Variants in LYPD6B observed in about 807,000 individuals in gnomAD.
The protein encoded by LYPD6B is ly6/PLAUR domain-containing protein 6B.
LYPD6B carries 17 observed loss-of-function variants against 22.8 expected under a neutral mutation model. The observed-to-expected ratio is 0.75, with a 90% CI of 0.51 to 1.12. The LOEUF is 1.12. LYPD6B is among the 50% of genes most tolerant of loss of function. LYPD6B has a pLI of 0.00. For missense variants in LYPD6B, 221 were observed against 258.3 expected (o/e 0.86, Z 0.99); for synonymous variants, 106 against 91.6 (o/e 1.16, Z -0.90).
intron 1 of LYPD6B, among the ~76,000 whole-genome samples, chr2:149,120,313 GTATATATATGTGTA>G (rs1242809046): frequency 7.0e-5 from 9 of 128,482 alleles, no homozygotes; most frequent in Non-Finnish European, 9.6e-5. Flanking sequence ...ATATATATGT[GTATATATATGTGTA>G]TATATATATG....
chr2:149,070,064 A>G (rs981497372), intron 1 of LYPD6B, among the ~76,000 whole-genome samples: 1 of 152,046 alleles, frequency 6.6e-6, no homozygotes, highest in Admixed American at 6.6e-5. Context: ...CTTTTCTGTG[A>G]TGAATAAAAA....
intron 3 of LYPD6B, among the ~76,000 whole-genome samples, chr2:149,167,092 T>A (rs529314949): frequency 6.6e-6 from 1 of 151,988 alleles, no homozygotes; most frequent in East Asian, 1.9e-4. Flanking sequence ...ACTTTCCTCG[T>A]TTCTTATTCA....
At chr2:149,214,490 T>G in intron 6 of LYPD6B, 56 bp from the exon 7 acceptor site, 3 of 1,553,398 alleles carry the variant, frequency 1.9e-6, no homozygotes, top group Non-Finnish European at 2.7e-6. Context: ...TTCTTTCTTT[T>G]GCCCCTTCCC....
intron 2 of LYPD6B, among the ~76,000 whole-genome samples, chr2:149,143,284 G>T (rs1184583429): frequency 6.6e-6 from 1 of 150,974 alleles, no homozygotes; most frequent in Non-Finnish European, 1.5e-5. Flanking sequence ...ATTCCCCTTT[G>T]TTTTTCCATC....
intron 1 of LYPD6B, among the ~76,000 whole-genome samples, chr2:149,118,809 G>A (rs560894489): frequency 2.0e-5 from 3 of 152,126 alleles, no homozygotes; most frequent in Admixed American, 2.0e-4. Context: ...TTGAACCCAG[G>A]TCTGTCTGTT....
chr2:149,187,493 A>G (rs1692194331), intron 3 of LYPD6B: 4 of 1,511,736 alleles, frequency 2.6e-6, no homozygotes, highest in Non-Finnish European at 1.8e-6. Context: ...TGCAGAAGAG[A>G]TATTTTCAGC....
chr2:149,120,383 A>ATATATATTTTTTTTTT (rs1327065975), intron 1 of LYPD6B, among the ~76,000 whole-genome samples: 1 of 48,614 alleles, frequency 2.1e-5, no homozygotes, highest in African/African-American at 1.1e-4. Flanking sequence ...ATATATATAT[A>ATATATATTTTTTTTTT]TTTTTTTTTT....
At chr2:149,065,100 C>T (rs1052589225) in intron 1 of LYPD6B, among the ~76,000 whole-genome samples, 2 of 152,126 alleles carry the variant, frequency 1.3e-5, no homozygotes, top group Non-Finnish European at 2.9e-5. Flanking sequence ...TGAAGTTCAC[C>T]CTCCCTCCCT....
At chr2:149,058,158 A>G (rs1683896933) in intron 1 of LYPD6B, among the ~76,000 whole-genome samples, 1 of 152,202 alleles carries the variant, frequency 6.6e-6, no homozygotes, top group Admixed American at 6.5e-5. Flanking sequence ...TAGTTTTCAT[A>G]TCTGCAAAAT....
intron 1 of LYPD6B, among the ~76,000 whole-genome samples, chr2:149,087,880 A>G (rs1685470800): frequency 6.6e-6 from 1 of 152,198 alleles, no homozygotes; most frequent in Non-Finnish European, 1.5e-5. Context: ...AGGAGTTTTT[A>G]GGCAAATGAA....
intron 1 of LYPD6B, among the ~76,000 whole-genome samples, chr2:149,105,167 G>A (rs1394437544): frequency 6.6e-6 from 1 of 152,054 alleles, no homozygotes; most frequent in African/African-American, 2.4e-5. Flanking sequence ...TTGTATATTT[G>A]TTAATATATG....
At chr2:149,107,986 A>G (rs1224189210) in intron 1 of LYPD6B, among the ~76,000 whole-genome samples, 2 of 152,096 alleles carry the variant, frequency 1.3e-5, no homozygotes, top group East Asian at 3.9e-4. Flanking sequence ...ATTTATTTCC[A>G]TCCCCTTTGA....
chr2:149,153,515 G>T (rs1247563999), intron 2 of LYPD6B, among the ~76,000 whole-genome samples: 1 of 152,136 alleles, frequency 6.6e-6, no homozygotes, highest in Admixed American at 6.5e-5. Flanking sequence ...GGTGGCTCAT[G>T]CCTGTAATCC....
intron 1 of LYPD6B, among the ~76,000 whole-genome samples, chr2:149,067,602 AT>A (rs1458959925): frequency 6.6e-6 from 1 of 151,040 alleles, no homozygotes; most frequent in Admixed American, 6.6e-5. Context: ...TATTATCCTC[AT>A]AGGGCTATAA....
intron 3 of LYPD6B, among the ~76,000 whole-genome samples, chr2:149,182,297 C>T (rs116414011): frequency 3.3e-5 from 5 of 152,166 alleles, no homozygotes; most frequent in African/African-American, 1.2e-4. Flanking sequence ...TTTTTTGGGT[C>T]GAAGAGTTTT....
intron 1 of LYPD6B, among the ~76,000 whole-genome samples, chr2:149,041,411 G>A (rs1206993611): frequency 2.0e-5 from 3 of 152,132 alleles, no homozygotes; most frequent in African/African-American, 2.4e-5. Context: ...AATTTTCCCC[G>A]AAGTTCCCCG....
chr2:149,194,361 C>G (rs1306778806), intron 3 of LYPD6B, among the ~76,000 whole-genome samples: 2 of 152,110 alleles, frequency 1.3e-5, no homozygotes, highest in East Asian at 3.9e-4. Flanking sequence ...GTGTTTCTAG[C>G]CTAGATTCAA....
intron 1 of LYPD6B, among the ~76,000 whole-genome samples, chr2:149,085,634 C>T (rs1183361707): frequency 6.6e-6 from 1 of 152,288 alleles, no homozygotes; most frequent in East Asian, 1.9e-4. Flanking sequence ...CAGCAATGGG[C>T]TGTGGATGTG....
intron 1 of LYPD6B, among the ~76,000 whole-genome samples, chr2:149,043,086 A>G (rs1321181255): frequency 6.6e-6 from 1 of 152,184 alleles, no homozygotes; most frequent in Non-Finnish European, 1.5e-5. Flanking sequence ...AGAATTGTTT[A>G]GTTTTGGTAG....
Sources: allele counts gnomAD v4.1 joint callset (sites outside exome capture counted in the v4.1 genomes callset), GRCh38; gene constraint gnomAD v4.1.1; transcripts MANE v1.5; gene names NCBI Gene and HGNC (gene_info 2026-07-23, HGNC 2026-07-21).